SARNP: variants seen among roughly 807,000 people sequenced by gnomAD.
SARNP encodes the protein SAP domain-containing ribonucleoprotein.
A neutral mutation model predicts 38.1 loss-of-function variants in SARNP; 5 were observed. The ratio of observed to expected loss-of-function variants is 0.13; its 90% CI spans 0.07 to 0.28. The LOEUF (loss-of-function observed/expected upper bound fraction) is 0.28, where lower values mean the gene tolerates loss of function less well. Among genes scored for constraint, SARNP ranks in the 10% least tolerant of loss-of-function variants. SARNP has a pLI of 1.00. For missense variants in SARNP, 180 were observed against 243.9 expected, an observed-to-expected ratio of 0.74 and a Z score of 1.75; for synonymous variants, 84 against 80.6, an observed-to-expected ratio of 1.04 and a Z score of -0.23.
intron 9 of SARNP, among the ~76,000 whole-genome samples, chr12:55,775,487 G>T (rs1356906032): frequency 6.6e-3 from 9 of 1,368 alleles, no homozygotes; most frequent in African/African-American, 0.019. Flanking sequence ...TTTGAACCCA[G>T]GAGGCAGAGA....
At chr12:55,796,455 T>G (rs750009640) in intron 4 of SARNP, among the ~76,000 whole-genome samples, 2 of 152,144 alleles carry the variant, frequency 1.3e-5, no homozygotes, top group Non-Finnish European at 2.9e-5. Flanking sequence ...CAGGCTGGAG[T>G]GCAATGGCAC....
At chr12:55,761,308 G>C (rs1878668732) in intron 9 of SARNP, among the ~76,000 whole-genome samples, 1 of 152,182 alleles carries the variant, frequency 6.6e-6, no homozygotes, top group Admixed American at 6.5e-5. Flanking sequence ...GTTACACCTA[G>C]TAACACCTAG....
At chr12:55,816,455 A>G (rs529551285) in intron 1 of SARNP, among the ~76,000 whole-genome samples, 174 of 152,312 alleles carry the variant, frequency 1.1e-3, no homozygotes, top group African/African-American at 3.9e-3. Context: ...GAATAACACA[A>G]AAACCCACTA....
intron 1 of SARNP, among the ~76,000 whole-genome samples, chr12:55,806,678 T>G (rs1033978691): frequency 2.0e-5 from 3 of 152,244 alleles, no homozygotes; most frequent in African/African-American, 7.2e-5. Context: ...TAGCTGGGAC[T>G]ACAGGCGCAT....
At chr12:55,788,920 C>A (rs1372800214) in intron 9 of SARNP, among the ~76,000 whole-genome samples, 155 bp downstream of exon 9, 1 of 152,138 alleles carries the variant, frequency 6.6e-6, no homozygotes. Flanking sequence ...GTAACATAAT[C>A]AAGAGTCAGT....
intron 9 of SARNP, among the ~76,000 whole-genome samples, chr12:55,787,095 G>T (rs147027299): frequency 5.0e-4 from 76 of 152,018 alleles, no homozygotes; most frequent in African/African-American, 1.8e-3. Flanking sequence ...GGCCAGGCAT[G>T]GTGGCACACA....
intron 2 of SARNP, 64 bp downstream of exon 2, chr12:55,803,565 C>A (rs745782796): frequency 2.0e-4 from 174 of 878,456 alleles, no homozygotes; most frequent in Non-Finnish European, 2.5e-4. Context: ...AAAAAGAAAT[C>A]TTTTCAGTGT....
chr12:55,786,691 C>T (rs929513393), intron 9 of SARNP, among the ~76,000 whole-genome samples: 11 of 152,080 alleles, frequency 7.2e-5, no homozygotes, highest in African/African-American at 2.4e-5. Context: ...CCTCGTGATC[C>T]ACCCGCCTCA....
At chr12:55,779,212 A>T (rs1371079867) in intron 9 of SARNP, among the ~76,000 whole-genome samples, 1 of 152,214 alleles carries the variant, frequency 6.6e-6, no homozygotes, top group Non-Finnish European at 1.5e-5. Flanking sequence ...TAGTTATTCA[A>T]ATGGAAGAAG....
chr12:55,773,954 C>T (rs1022303868), intron 9 of SARNP, among the ~76,000 whole-genome samples: 3 of 152,204 alleles, frequency 2.0e-5, no homozygotes, highest in African/African-American at 7.2e-5. Flanking sequence ...GTGATCCACC[C>T]GCCTTGGCCT....
At chr12:55,754,398 A>G (rs1157046556), downstream of SARNP, 1 of 152,208 alleles carries the variant, frequency 6.6e-6, no homozygotes, top group African/African-American at 2.4e-5. Context: ...GCCCCAAGCT[A>G]AGAATCAGCA....
At chr12:55,808,335 TGAGATG>T (rs1880218480) in intron 1 of SARNP, among the ~76,000 whole-genome samples, 1 of 151,624 alleles carries the variant, frequency 6.6e-6, no homozygotes, top group Admixed American at 6.6e-5. Context: ...TTTTTTTTTT[TGAGATG>T]GAGTTTCACT....
downstream of SARNP, chr12:55,757,089 T>A (rs1472656987): frequency 6.5e-6 from 1 of 153,194 alleles, no homozygotes; most frequent in African/African-American, 2.4e-5. Flanking sequence ...AAAAAATGCT[T>A]GTGAGTATGA....
intron 2 of SARNP, 76 bp downstream of exon 2, chr12:55,803,553 A>G: frequency 1.1e-6 from 1 of 936,114 alleles, no homozygotes; most frequent in Non-Finnish European, 1.6e-6. Flanking sequence ...ACCTGAAAAA[A>G]AAAAAAGAAA....
intron 1 of SARNP, among the ~76,000 whole-genome samples, chr12:55,812,636 T>C (rs1316561764): frequency 6.6e-6 from 1 of 152,226 alleles, no homozygotes; most frequent in Admixed American, 6.5e-5. Context: ...CAAAACTGGC[T>C]TCTCCTCCTC....
intron 9 of SARNP, among the ~76,000 whole-genome samples, chr12:55,779,124 C>T (rs1879269211): frequency 6.6e-6 from 1 of 152,198 alleles, no homozygotes; most frequent in East Asian, 1.9e-4. Context: ...TCTAAGATAA[C>T]CACTCTCTCA....
At chr12:55,774,356 C>T (rs1879098715) in intron 9 of SARNP, among the ~76,000 whole-genome samples, 1 of 151,712 alleles carries the variant, frequency 6.6e-6, no homozygotes. Flanking sequence ...AGCATGGGTA[C>T]GATATGCAAA....
At chr12:55,808,322 A>ATT (rs879523789) in intron 1 of SARNP, among the ~76,000 whole-genome samples, 2 of 144,968 alleles carry the variant, frequency 1.4e-5, no homozygotes, top group Non-Finnish European at 3.1e-5. Flanking sequence ...TGTTCCTACA[A>ATT]TTTTTTTTTT....
rs1014404345 is a variant in SARNP at position 55,800,683 on chromosome 12, T to A, written c.184-54A>T. ...CATAAATCTAAAGAATAAATATCTA[T>A]CAAAAGAAGAACATCAGAACTCCAA... is the stretch of plus-strand genomic sequence containing the variant. On this transcript the variant is annotated intron_variant, in intron 3 of 10. Transcript: ENST00000336133. 4.1e-6 allele frequency: 6 copies of A among 1,454,172 alleles called. No individual in the cohort carries two copies. The South Asian group carries it at 5.9e-5, about 14-fold the overall frequency. 90.1% of individuals were successfully genotyped at this position (1,454,172 alleles called of 1,614,324 possible). A position where few individuals can be genotyped will look rare whatever the true frequency, so the allele number is the denominator to read the frequency against.
Sources: gnomAD v4.1 joint callset for allele counts (sites outside exome capture counted in the v4.1 genomes callset) on GRCh38, gnomAD v4.1.1 for gene constraint, MANE v1.5 for transcripts, NCBI Gene and HGNC (gene_info 2026-07-23, HGNC 2026-07-21) for gene names.